The following RALYL variants were observed in gnomAD, a reference collection of about 807,000 sequenced individuals.
RALYL encodes RALY RNA binding protein like, also known as RNA-binding Raly-like protein.
In RALYL, 29 loss-of-function variants were observed where a neutral mutation model predicts 35.1. The observed-to-expected ratio is 0.83, with a 90% CI of 0.61 to 1.13. RALYL has a LOEUF of 1.13. Among genes scored for constraint, RALYL ranks in the 50% most tolerant of loss-of-function variants. The probability of loss-of-function intolerance (pLI) is 0.00; values close to 1 mark genes in which losing one functional copy is unlikely to be tolerated. For missense variants in RALYL, 359 were observed against 360.4 expected, an observed-to-expected ratio of 1.00 and a Z score of 0.03; for synonymous variants, 120 against 127.6, an observed-to-expected ratio of 0.94 and a Z score of 0.40.
chr8:84,414,798 G>C (rs1156620652), intron 1 of RALYL, among the ~76,000 whole-genome samples: 2 of 152,022 alleles, frequency 1.3e-5, no homozygotes, highest in African/African-American at 4.8e-5. Context: ...TGTTCTAAAA[G>C]AGACCTTAGA....
At chr8:84,805,701 TAATAA>T (rs1293797250) in intron 4 of RALYL, among the ~76,000 whole-genome samples, 1 of 152,072 alleles carries the variant, frequency 6.6e-6, no homozygotes, top group Non-Finnish European at 1.5e-5. Flanking sequence ...AAAGTAATAG[TAATAA>T]AATAATAACA....
intron 2 of RALYL, among the ~76,000 whole-genome samples, chr8:84,640,462 G>T (rs1826071588): frequency 6.6e-6 from 1 of 151,970 alleles, no homozygotes; most frequent in African/African-American, 2.4e-5. Flanking sequence ...AGAAGATTGT[G>T]TTAAGATTAT....
At chr8:84,834,857 C>G (rs574108158) in intron 4 of RALYL, among the ~76,000 whole-genome samples, 1 of 151,946 alleles carries the variant, frequency 6.6e-6, no homozygotes, top group African/African-American at 2.4e-5. Flanking sequence ...GTGTAACATT[C>G]GATTTAAAAA....
At chr8:84,843,796 C>A (rs1454796910) in intron 4 of RALYL, among the ~76,000 whole-genome samples, 4 of 152,064 alleles carry the variant, frequency 2.6e-5, no homozygotes, top group Non-Finnish European at 5.9e-5. Context: ...CAGAACAGAG[C>A]CCTCAGAAAT....
intron 2 of RALYL, among the ~76,000 whole-genome samples, chr8:84,639,522 G>T (rs1047590131): frequency 5.3e-5 from 8 of 151,908 alleles, no homozygotes; most frequent in Non-Finnish European, 8.8e-5. Context: ...GCCTGAACTG[G>T]TTTTTTAGGT....
intron 1 of RALYL, among the ~76,000 whole-genome samples, chr8:84,216,630 TTAAG>T (rs112148595): frequency 0.032 from 4,938 of 152,140 alleles, 273 homozygotes; most frequent in African/African-American, 0.11. Context: ...TTGGGAAATA[TTAAG>T]TAAGTGTCCA....
intron 1 of RALYL, among the ~76,000 whole-genome samples, chr8:84,357,736 T>C (rs1852134909): frequency 6.7e-6 from 1 of 149,176 alleles, no homozygotes; most frequent in Non-Finnish European, 1.5e-5. Context: ...TTTTTCCTTA[T>C]TCATTCTAAT....
intron 3 of RALYL, among the ~76,000 whole-genome samples, chr8:84,779,214 G>A (rs1817543934): frequency 6.6e-6 from 1 of 152,166 alleles, no homozygotes; most frequent in African/African-American, 2.4e-5. Flanking sequence ...TCTCCCCCAG[G>A]AAGTGAGTTT....
intron 2 of RALYL, among the ~76,000 whole-genome samples, chr8:84,530,000 G>A (rs2059171483): frequency 6.6e-6 from 1 of 152,060 alleles, no homozygotes; most frequent in African/African-American, 2.4e-5. Flanking sequence ...AGAAGGGGTA[G>A]AAAATAGCGA....
intron 5 of RALYL, among the ~76,000 whole-genome samples, chr8:84,855,280 AG>A (rs1450570900): frequency 7.7e-4 from 118 of 152,340 alleles, no homozygotes; most frequent in African/African-American, 2.7e-3. Flanking sequence ...GGCTAAGGGT[AG>A]GTCTGAAACC....
intron 2 of RALYL, among the ~76,000 whole-genome samples, chr8:84,690,140 G>A (rs1031965332): frequency 3.3e-5 from 5 of 152,056 alleles, no homozygotes; most frequent in Admixed American, 2.0e-4. Flanking sequence ...TTCCATCAGC[G>A]AATGAATGGA....
chr8:84,792,178 C>T (rs756420437), intron 3 of RALYL, among the ~76,000 whole-genome samples: 9 of 152,182 alleles, frequency 5.9e-5, no homozygotes, highest in South Asian at 2.1e-4. Flanking sequence ...TCTTGGTACC[C>T]GGGTCCTTGT....
At chr8:84,837,844 C>A (rs1436168309) in intron 4 of RALYL, among the ~76,000 whole-genome samples, 1 of 152,118 alleles carries the variant, frequency 6.6e-6, no homozygotes, top group Non-Finnish European at 1.5e-5. Context: ...TCAAAACCAT[C>A]ATTTCATTTT....
At chr8:84,226,389 T>G (rs2131371522) in intron 1 of RALYL, among the ~76,000 whole-genome samples, 1 of 152,074 alleles carries the variant, frequency 6.6e-6, no homozygotes, top group Non-Finnish European at 1.5e-5. Flanking sequence ...TGTATTTCTT[T>G]TTTGGTTGTT....
Position 84,433,176 on chromosome 8 carries a change from G to A in RALYL, c.-23-96123G>A, listed in dbSNP as rs149642531. Among the ~76,000 whole-genome samples, 72 of 152,194 alleles carry A rather than the reference G, an allele frequency of 4.7e-4. 1 individual carries two copies. Among genetic ancestry groups the A allele is most frequent in the Middle Eastern group, 3.4e-3 (1 of 294 alleles). ...AAAGTTAAAAATCTGTAAAACCACA[G>A]TGTTCTTGTGTAGTCCTTCAGGAGA... On this transcript the variant is annotated intron_variant, in intron 1 of 8. Coordinates refer to ENST00000521268, the MANE Select transcript of RALYL (RefSeq NM_173848.7).
intron 7 of RALYL, among the ~76,000 whole-genome samples, chr8:84,883,633 T>C (rs138499689): frequency 6.1e-4 from 93 of 152,130 alleles, no homozygotes; most frequent in African/African-American, 2.2e-3. Flanking sequence ...CACATGGGTA[T>C]TATGGGAGCT....
At chr8:84,208,891 G>A (rs991188765) in intron 1 of RALYL, among the ~76,000 whole-genome samples, 7 of 151,898 alleles carry the variant, frequency 4.6e-5, no homozygotes, top group Non-Finnish European at 8.8e-5. Flanking sequence ...CCTGGGAGTA[G>A]CAGCTCTGTC....
intron 1 of RALYL, among the ~76,000 whole-genome samples, chr8:84,509,596 C>T (rs2057441733): frequency 6.6e-6 from 1 of 152,082 alleles, no homozygotes; most frequent in Non-Finnish European, 1.5e-5. Context: ...ATCACCAAAT[C>T]CAAGGCCATC....
At chr8:84,543,477 C>A (rs2060150016) in intron 2 of RALYL, among the ~76,000 whole-genome samples, 1 of 148,336 alleles carries the variant, frequency 6.7e-6, no homozygotes, top group Non-Finnish European at 1.5e-5. Context: ...CCATCTGTTC[C>A]CCAAAAATCT....
Sources: allele counts gnomAD v4.1 joint callset (sites outside exome capture counted in the v4.1 genomes callset), GRCh38; gene constraint gnomAD v4.1.1; transcripts MANE v1.5; gene names NCBI Gene and HGNC (gene_info 2026-07-23, HGNC 2026-07-21).